The following MTMR7 variants were observed in gnomAD, a reference collection of about 807,000 sequenced individuals.
MTMR7 encodes myotubularin related protein 7, also known as phosphatidylinositol-3-phosphate phosphatase MTMR7.
MTMR7 carries 76 observed loss-of-function variants against 81.2 expected under a neutral mutation model. The ratio of observed to expected loss-of-function variants is 0.94; its 90% CI spans 0.78 to 1.13. The LOEUF is 1.13. Ranked by LOEUF, MTMR7 falls within the 50% of genes most tolerant of loss-of-function variation. MTMR7 has a pLI of 0.00. For missense variants in MTMR7, 1,044 were observed against 820.0 expected (o/e 1.27, Z -3.34); for synonymous variants, 372 against 289.8 (o/e 1.28, Z -2.88).
intron 7 of MTMR7, among the ~76,000 whole-genome samples, chr8:17,317,948 A>T (rs1207081182): frequency 6.6e-6 from 1 of 151,966 alleles, no homozygotes; most frequent in Non-Finnish European, 1.5e-5. Flanking sequence ...GTGGGAAGTC[A>T]GGAGGAGGTG....
intron 7 of MTMR7, among the ~76,000 whole-genome samples, chr8:17,320,071 G>A (rs1818302277): frequency 1.3e-5 from 2 of 152,090 alleles, no homozygotes; most frequent in Admixed American, 1.3e-4. Flanking sequence ...TACTGATAAT[G>A]TTGAAATAAC....
chr8:17,341,538 CTG>C (rs763469683), intron 5 of MTMR7, 41 bp from the exon 6 acceptor site: 1 of 1,607,436 alleles, frequency 6.2e-7, no homozygotes, highest in East Asian at 2.2e-5. Context: ...CATCAGGTAA[CTG>C]TACCCATGAG....
intron 1 of MTMR7, among the ~76,000 whole-genome samples, chr8:17,390,757 G>C (rs1162316267): frequency 6.6e-6 from 1 of 152,160 alleles, no homozygotes; most frequent in South Asian, 2.1e-4. Flanking sequence ...GCAGGAGAGA[G>C]AAGTACAGAA....
chr8:17,380,149 A>G (rs73666131), intron 1 of MTMR7, among the ~76,000 whole-genome samples: 32 of 152,308 alleles, frequency 2.1e-4, no homozygotes, highest in African/African-American at 7.7e-4. Context: ...AATTCTGTGG[A>G]AAGCTTTGGA....
Position 17,304,447 on chromosome 8 carries a change from A to T in MTMR7, c.1425T>A (p.Phe475Leu), listed in dbSNP as rs1010790434. The T allele has an allele frequency of 2.7e-5, 44 of 1,613,996 alleles. No homozygotes were observed. The highest frequency in any genetic ancestry group is 3.4e-5 in the Non-Finnish European group (40 of 1,179,970). ...CCTGAGTCTGGCTGTGATCAGCTCT[A>T]AACAGAGGATTCAGGTAGTCGGCCC... is the stretch of plus-strand genomic sequence containing the variant. ...KNRADYLNPL[F>L]RADHSQTQGT... The change falls in exon 12 of 14, where the codon TTT becomes TTA. Residue 475 changes from phenylalanine (F) to leucine (L), a missense_variant. By Grantham distance (22) the Phe-to-Leu change is conservative. Transcript: ENST00000180173.
intron 1 of MTMR7, among the ~76,000 whole-genome samples, chr8:17,379,818 T>A (rs1820705635): frequency 1.3e-5 from 2 of 152,092 alleles, no homozygotes; most frequent in Admixed American, 1.3e-4. Context: ...TTTAATTAGG[T>A]AGTGAAGCAC....
intron 5 of MTMR7, among the ~76,000 whole-genome samples, chr8:17,341,892 A>C (rs1471572305): frequency 1.3e-5 from 2 of 151,812 alleles, no homozygotes; most frequent in African/African-American, 4.8e-5. Flanking sequence ...TTAATAAAAT[A>C]GAAATTATTT....
chr8:17,340,713 A>T (rs1819383891), intron 6 of MTMR7, among the ~76,000 whole-genome samples: 1 of 124,782 alleles, frequency 8.0e-6, no homozygotes, highest in South Asian at 2.4e-4. Context: ...AAAACTAATA[A>T]ATTAATACAT....
chr8:17,389,576 T>A (rs1370763285), intron 1 of MTMR7, among the ~76,000 whole-genome samples: 1 of 152,210 alleles, frequency 6.6e-6, no homozygotes, highest in Non-Finnish European at 1.5e-5. Context: ...TGCTAAGTAT[T>A]TGTTCAATGA....
intron 7 of MTMR7, among the ~76,000 whole-genome samples, chr8:17,320,705 C>T (rs1279271448): frequency 6.6e-6 from 1 of 152,210 alleles, no homozygotes; most frequent in South Asian, 2.1e-4. Context: ...TTCTGGAGAT[C>T]TGATGCCTTG....
chr8:17,352,291 T>C (rs1038829105), intron 4 of MTMR7, among the ~76,000 whole-genome samples: 5 of 152,176 alleles, frequency 3.3e-5, no homozygotes, highest in African/African-American at 1.2e-4. Flanking sequence ...TAAACCCTCA[T>C]GTATATGGTC....
intron 6 of MTMR7, among the ~76,000 whole-genome samples, chr8:17,335,280 G>T (rs771303307): frequency 2.6e-5 from 4 of 152,062 alleles, no homozygotes; most frequent in Non-Finnish European, 5.9e-5. Context: ...AAACCGGCAT[G>T]GAACAGGCAC....
chr8:17,316,257 A>G (rs1187538860), intron 7 of MTMR7, among the ~76,000 whole-genome samples: 2 of 152,014 alleles, frequency 1.3e-5, no homozygotes, highest in African/African-American at 2.4e-5. Flanking sequence ...ATTCTCAAAT[A>G]ATATATATAT....
Position 17,299,879 on chromosome 8 carries a change from C to A in MTMR7, c.1966G>T (p.Val656Leu), listed in dbSNP as rs370812641. The A allele has an allele frequency of 1.9e-6, 3 of 1,614,014 alleles. No homozygotes were observed. The highest frequency in any genetic ancestry group is 2.5e-6 in the Non-Finnish European group (3 of 1,179,936). Residue 656 changes from valine (V) to leucine (L), a missense_variant, in exon 14 of 14, where the codon GTG (valine) becomes TTG (leucine). Val to Leu is a conservative substitution (Grantham distance 32). Transcript: ENST00000180173. ...SGKDRDSDEAVFLTA is the reference protein window; with the variant it reads ...SGKDRDSDEALFLTA ...GGGAAACTTCAGGCAGTGAGAAACA[C>A]GGCTTCATCAGAATCCCGGTCCTTG...
rs932798271 is a variant in MTMR7 at position 17,413,285 on chromosome 8, T to G, written c.8A>C (p.His3Pro). 15 of 1,547,306 alleles carry G rather than the reference T, an allele frequency of 9.7e-6. No homozygotes were observed. The highest frequency in any genetic ancestry group is 1.3e-5 in the Non-Finnish European group (15 of 1,144,714). ME[H>P]IRTPKVENVR... ...GTCACCAACCTTGGGCGTACGGATG[T>G]GCTCCATGGCTGGCCCACGTCTGCA... is the stretch of plus-strand genomic sequence containing the variant. The change falls in exon 1 of 14, where the codon CAC becomes CCC. Residue 3 changes from histidine to proline, a missense_variant. Physicochemically the swap from His to Pro is moderately conservative, Grantham distance 77. Coordinates refer to ENST00000180173, the MANE Select transcript of MTMR7 (RefSeq NM_004686.5).
rs1474071482 is a variant in MTMR7, at chr8:17,297,479, TTC to T, written c.*2381_*2382del. ...AAAGAATAAAAATTTATTCTATGGT[TTC>T]TGTCTCTGATCATCACCTTCCATTC... is the stretch of plus-strand genomic sequence containing the variant. On this transcript the variant is annotated 3_prime_UTR_variant, in exon 14 of 14. Transcript: ENST00000180173. 1 of 152,054 alleles carries T rather than the reference TTC, an allele frequency of 6.6e-6. No homozygotes were observed. The highest frequency in any genetic ancestry group is 1.5e-5 in the Non-Finnish European group (1 of 67,930). 9.4% of individuals were successfully genotyped at this position (152,054 alleles called of 1,614,324 possible).
intron 10 of MTMR7, among the ~76,000 whole-genome samples, chr8:17,308,417 T>A (rs1378744661): frequency 1.3e-5 from 2 of 152,018 alleles, no homozygotes; most frequent in Non-Finnish European, 2.9e-5. Context: ...CTGGAAAAAA[T>A]TAGAAAAATA....
At chr8:17,378,867 G>A (rs1275804912) in intron 1 of MTMR7, among the ~76,000 whole-genome samples, 1 of 152,154 alleles carries the variant, frequency 6.6e-6, no homozygotes, top group Non-Finnish European at 1.5e-5. Context: ...TCTTAGATTT[G>A]TTGAAATGTG....
At chr8:17,338,193 C>G (rs1426512593) in intron 6 of MTMR7, among the ~76,000 whole-genome samples, 2 of 152,206 alleles carry the variant, frequency 1.3e-5, no homozygotes, top group Non-Finnish European at 2.9e-5. Context: ...GTACGAAACC[C>G]CAGTTTTCTT....
Sources: allele counts gnomAD v4.1 joint callset (sites outside exome capture counted in the v4.1 genomes callset), GRCh38; gene constraint gnomAD v4.1.1; transcripts MANE v1.5; gene names NCBI Gene and HGNC (gene_info 2026-07-23, HGNC 2026-07-21).